ZNF69: variants seen among roughly 807,000 people sequenced by gnomAD.
The protein encoded by ZNF69 is ZNF3.
A neutral mutation model predicts 50.9 loss-of-function variants in ZNF69; 47 were observed. That is an observed-to-expected ratio of 0.92 (90% CI 0.73 to 1.18). The LOEUF (loss-of-function observed/expected upper bound fraction) is 1.18. ZNF69 is among the 50% of genes most tolerant of loss of function. ZNF69 has a pLI of 0.00. For missense variants in ZNF69, 717 were observed against 675.1 expected, an observed-to-expected ratio of 1.06 and a Z score of -0.69; for synonymous variants, 216 against 223.1, an observed-to-expected ratio of 0.97 and a Z score of 0.29.
downstream of ZNF69, among the ~76,000 whole-genome samples, chr19:11,915,683 C>T (rs567445264): frequency 6.6e-6 from 1 of 151,948 alleles, no homozygotes; most frequent in Admixed American, 6.6e-5. Flanking sequence ...GTGGGTGGAT[C>T]ATCTGAGGTT....
chr19:11,940,604 A>G, the ZNF69 span, among the ~76,000 whole-genome samples: 1 of 152,164 alleles, frequency 6.6e-6, no homozygotes, highest in African/African-American at 2.4e-5. Context: ...CGTGGACCCA[A>G]AGAGTGAGCA....
At chr19:11,950,469 C>A in the ZNF69 span, 1 of 690,226 alleles carries the variant, frequency 1.4e-6, no homozygotes, top group South Asian at 1.7e-5. Context: ...GAGAGAAACC[C>A]TATGAGTGTA....
chr19:11,911,176 G>A (rs1972452320), downstream of ZNF69, among the ~76,000 whole-genome samples: 1 of 152,248 alleles, frequency 6.6e-6, no homozygotes. Flanking sequence ...GGAAACAACA[G>A]GTGCTAGAGA....
chr19:11,948,496 G>C, the ZNF69 span: 8 of 1,613,926 alleles, frequency 5.0e-6, no homozygotes, highest in Non-Finnish European at 5.9e-6. Context: ...TGAGTATCAG[G>C]AATATGGACC....
the ZNF69 span, among the ~76,000 whole-genome samples, chr19:11,945,224 A>G: frequency 6.6e-6 from 1 of 152,186 alleles, no homozygotes; most frequent in Non-Finnish European, 1.5e-5. Context: ...GGTTCCCAGC[A>G]CCCCTCTTTG....
In ZNF69 at chr19:11,906,264, C is replaced by A; in HGVS notation, c.*166C>A. On this transcript the variant is annotated 3_prime_UTR_variant, in exon 4 of 4. Coordinates refer to ENST00000429654, the MANE Select transcript of ZNF69 (RefSeq NM_001364730.1). The stretch of plus-strand genomic sequence containing the variant: ...TAAGAATGCATTCTGGATAGCTGAA[C>A]AAAAGGCAGCAGAAACTTCTGCAGA... 2.7e-6 allele frequency: 4 copies of A among 1,466,768 alleles called. No homozygotes were observed. In the South Asian group the frequency reaches 6.2e-5, roughly 23 times the overall value. 90.9% of individuals were successfully genotyped at this position (1,466,768 alleles called of 1,614,324 possible).
downstream of ZNF69, among the ~76,000 whole-genome samples, chr19:11,909,125 G>T (rs1972421164): frequency 3.3e-5 from 5 of 152,122 alleles, no homozygotes. Context: ...AAACCAGGAA[G>T]AAGTCGAATC....
the ZNF69 span, chr19:11,979,432 A>G: frequency 6.2e-7 from 1 of 1,607,038 alleles, no homozygotes; most frequent in Non-Finnish European, 8.5e-7. Context: ...AAACACACAT[A>G]AGAATACACT....
chr19:11,979,396 A>C, the ZNF69 span: 1 of 1,610,072 alleles, frequency 6.2e-7, no homozygotes, highest in Admixed American at 1.7e-5. Context: ...GATCTGCCTC[A>C]CACCTTCAAA....
chr19:11,951,674 A>G, the ZNF69 span, among the ~76,000 whole-genome samples: 2 of 152,270 alleles, frequency 1.3e-5, no homozygotes, highest in Admixed American at 6.5e-5. Flanking sequence ...CAAGTCATAA[A>G]TGACTGTGGG....
At chr19:11,955,396 C>CT in the ZNF69 span, among the ~76,000 whole-genome samples, 3,682 of 132,206 alleles carry the variant, frequency 0.028, 111 homozygotes, top group African/African-American at 0.075. Context: ...TTCTTTCTTT[C>CT]TTTTTTTTTT....
At chr19:11,979,327 C>A in the ZNF69 span, 1 of 1,608,644 alleles carries the variant, frequency 6.2e-7, no homozygotes, top group Admixed American at 1.7e-5. Context: ...CCTTCGAAGG[C>A]ATGGTAGGAC....
the ZNF69 span, among the ~76,000 whole-genome samples, chr19:11,958,269 T>G: frequency 0.016 from 1,858 of 112,860 alleles, 21 homozygotes; most frequent in South Asian, 0.025. Flanking sequence ...GGAACTTGAG[T>G]AAGGTGTTGT....
the ZNF69 span, chr19:11,961,528 C>T: frequency 6.6e-6 from 1 of 152,238 alleles, no homozygotes; most frequent in South Asian, 2.1e-4. Context: ...TGCTTTTCCT[C>T]TTGGACCCAT....
chr19:11,939,853 C>G, the ZNF69 span: 2 of 152,062 alleles, frequency 1.3e-5, no homozygotes, highest in Non-Finnish European at 2.9e-5. Context: ...GATAGTTTGA[C>G]AAATCTACAT....
In ZNF69 at chr19:11,887,855, C is replaced by T; in HGVS notation, c.-69C>T. The stretch of plus-strand genomic sequence containing the variant: ...TCCCTGCGCGGGCTGCGGCTGGGAT[C>T]CGGTCTTTCCAGCCCCGAGAGGGAC... On this transcript the variant is annotated 5_prime_UTR_variant, in exon 1 of 4. Transcript: ENST00000429654. 1 of 1,447,424 alleles carries T rather than the reference C, an allele frequency of 6.9e-7. No homozygotes were observed. The highest frequency in any genetic ancestry group is 1.2e-5 in the South Asian group (1 of 86,836). 89.7% of individuals were successfully genotyped at this position (1,447,424 alleles called of 1,614,324 possible).
chr19:11,928,001 ATT>A, the ZNF69 span, among the ~76,000 whole-genome samples: 1 of 146,038 alleles, frequency 6.8e-6, no homozygotes, highest in African/African-American at 2.5e-5. Context: ...AGATACAACA[ATT>A]TTTTTTTTTT....
Position 11,904,802 on chromosome 19 carries a change from C to T in ZNF69, c.405C>T (p.Gly135=). The T allele has an allele frequency of 6.2e-7, 1 of 1,613,890 alleles. No individual in the cohort carries two copies. Among genetic ancestry groups the T allele is most frequent in the Non-Finnish European group, 8.5e-7 (1 of 1,179,918 alleles). ...SCDSFVCGEV[G]LGNSSFNMNI... ...ACAGCTTTGTGTGTGGAGAAGTTGG[C>T]CTAGGTAACTCATCTTTTAATATGA... The change falls in exon 4 of 4, where the codon GGC becomes GGT. Residue 135 remains glycine, a synonymous_variant. Coordinates refer to ENST00000429654, the MANE Select transcript of ZNF69 (RefSeq NM_001364730.1).
At chr19:11,935,103 G>A in the ZNF69 span, among the ~76,000 whole-genome samples, 6 of 143,320 alleles carry the variant, frequency 4.2e-5, no homozygotes, top group Non-Finnish European at 3.0e-5. Context: ...ATGAACCCGG[G>A]AGGCGGAGCT....
Sources: gnomAD v4.1 joint callset for allele counts (sites outside exome capture counted in the v4.1 genomes callset) on GRCh38, gnomAD v4.1.1 for gene constraint, MANE v1.5 for transcripts, NCBI Gene and HGNC (gene_info 2026-07-23, HGNC 2026-07-21) for gene names.